Variants in ARFGEF3 observed in about 807,000 individuals in gnomAD.
The protein encoded by ARFGEF3 is brefeldin A-inhibited guanine nucleotide-exchange protein 3.
Under a neutral mutation model 221.7 loss-of-function variants are expected in ARFGEF3, and 96 were observed. The observed-to-expected ratio is 0.43, with a 90% CI of 0.37 to 0.51. ARFGEF3 has a LOEUF of 0.51. ARFGEF3 is among the 20% of genes least tolerant of loss of function. The probability of loss-of-function intolerance (pLI) is 0.00; values close to 1 mark genes in which losing one functional copy is unlikely to be tolerated. For synonymous variants in ARFGEF3, 1,145 were observed against 1,126.8 expected (o/e 1.02, Z -0.32); for missense variants, 2,410 against 2,789.9 (o/e 0.86, Z 3.07).
chr6:138,241,335 T>C (rs2114552574), intron 6 of ARFGEF3, among the ~76,000 whole-genome samples: 1 of 152,348 alleles, frequency 6.6e-6, no homozygotes, highest in South Asian at 2.1e-4. Flanking sequence ...AATTGATTCT[T>C]CCGTTACTCC....
chr6:138,329,413 C>T (rs1197505295), intron 32 of ARFGEF3, among the ~76,000 whole-genome samples: 4 of 152,010 alleles, frequency 2.6e-5, no homozygotes, highest in Non-Finnish European at 4.4e-5. Context: ...ACCTATAATC[C>T]GAGCACTTTA....
chr6:138,198,429 T>G (rs1385744046), intron 2 of ARFGEF3, among the ~76,000 whole-genome samples: 1 of 152,232 alleles, frequency 6.6e-6, no homozygotes, highest in Admixed American at 6.5e-5. Context: ...TTAACTGCAC[T>G]GTAGAGAAAA....
Position 138,334,692 on chromosome 6 carries a change from C to T in ARFGEF3, c.5846C>T (p.Thr1949Ile). 1 of 1,611,438 alleles carries T rather than the reference C, an allele frequency of 6.2e-7. No homozygotes were observed. Among genetic ancestry groups the T allele is most frequent in the Non-Finnish European group, 8.5e-7 (1 of 1,177,910 alleles). Residue 1949 changes from threonine (T) to isoleucine (I), a missense_variant, in exon 33 of 34, where the codon ACC becomes ATC. By Grantham distance (89) the Thr-to-Ile change is moderately conservative. This residue lies in a region of ARFGEF3 where 339 missense variants were observed against 334.9 expected (regional missense o/e 1.01). Coordinates refer to ENST00000251691, the MANE Select transcript of ARFGEF3 (RefSeq NM_020340.5). This position sits in a 1 kb window ranked among gnomAD's most constrained non-coding sequence, Gnocchi z 5.1. ...ILPSFQSESS[T>I]PSTGGFSGKE... Reference sequence around the variant, plus strand: ...CCCTCCTTCCAGTCCGAGTCATCCACCCCATCCACCGGGGGCTTCTCTGGG... The same window carrying T: ...CCCTCCTTCCAGTCCGAGTCATCCATCCCATCCACCGGGGGCTTCTCTGGG...
chr6:138,229,641 T>C (rs1778153476), intron 4 of ARFGEF3, 143 bp from the exon 5 acceptor site: 1 of 642,308 alleles, frequency 1.6e-6, no homozygotes, highest in South Asian at 1.8e-5. Context: ...GAGAAAGCAG[T>C]GGGTGGGATA....
intron 2 of ARFGEF3, among the ~76,000 whole-genome samples, chr6:138,172,542 CAT>C (rs559418334): frequency 5.9e-5 from 9 of 152,280 alleles, no homozygotes; most frequent in African/African-American, 1.9e-4. Flanking sequence ...GACCGGGAAA[CAT>C]ATCATTTTTC....
Position 138,263,610 on chromosome 6 carries a change from A to G in ARFGEF3, c.2127A>G (p.Ser709=), listed in dbSNP as rs1329967847. The part of the protein sequence containing the change: ...ALQNFASTFC[S]GMMHSPGFDG... ...AGAACTTTGCCTCTACTTTCTGCTCAGGTTTGTAAACAATTCTCTGCTGTA... is the reference window on the plus strand; with the variant it reads ...AGAACTTTGCCTCTACTTTCTGCTCGGGTTTGTAAACAATTCTCTGCTGTA... Residue 709 remains serine (S), a splice_region_variant and synonymous_variant, in exon 12 of 34, where the codon TCA becomes TCG. Coordinates refer to ENST00000251691, the MANE Select transcript of ARFGEF3 (RefSeq NM_020340.5). 3 of 1,592,344 alleles carry G rather than the reference A, an allele frequency of 1.9e-6. No individual in the cohort carries two copies. The highest frequency in any genetic ancestry group is 2.6e-6 in the Non-Finnish European group (3 of 1,169,998).
At chr6:138,319,486 G>A (rs558462206) in intron 27 of ARFGEF3, among the ~76,000 whole-genome samples, 1 of 151,948 alleles carries the variant, frequency 6.6e-6, no homozygotes, top group Non-Finnish European at 1.5e-5. Flanking sequence ...TGTTTTAGGA[G>A]TATATTCACA....
chr6:138,296,851 C>G lies in ARFGEF3; in HGVS notation c.3544C>G (p.Leu1182Val), dbSNP rs1779533432. Residue 1182 changes from leucine (L) to valine (V), a missense_variant, in exon 21 of 34, where the codon CTG becomes GTG. Physicochemically the swap from Leu to Val is conservative, Grantham distance 32 (BLOSUM62 1). Coordinates refer to ENST00000251691, the MANE Select transcript of ARFGEF3 (RefSeq NM_020340.5). Reference protein sequence around the residue: ...STQDRKSALHLFRLGNAMLRI... With the variant: ...STQDRKSALHVFRLGNAMLRI... Reference sequence around the variant, plus strand: ...TCAAGACCGAAAAAGCGCCCTCCACCTGTTCCGCCTGGGGAATGCCATGCT... The same window carrying G: ...TCAAGACCGAAAAAGCGCCCTCCACGTGTTCCGCCTGGGGAATGCCATGCT... 1 of 1,613,928 alleles carries G rather than the reference C, an allele frequency of 6.2e-7. No homozygotes were observed. Among genetic ancestry groups the G allele is most frequent in the East Asian group, 2.2e-5 (1 of 44,894 alleles).
intron 17 of ARFGEF3, among the ~76,000 whole-genome samples, chr6:138,287,578 G>A (rs116583327): frequency 1.3e-5 from 2 of 152,340 alleles, no homozygotes; most frequent in South Asian, 2.1e-4. Context: ...TTAAGCAGAC[G>A]AAGAAAATTC....
At chr6:138,218,461 A>T in intron 4 of ARFGEF3, 1 of 1,463,990 alleles carries the variant, frequency 6.8e-7, no homozygotes, top group Non-Finnish European at 9.0e-7. Flanking sequence ...ATTATTATAC[A>T]TCAATTAGCC....
At chr6:138,271,883 C>T (rs1192862169) in intron 12 of ARFGEF3, among the ~76,000 whole-genome samples, 3 of 152,166 alleles carry the variant, frequency 2.0e-5, no homozygotes, top group Non-Finnish European at 4.4e-5. Flanking sequence ...CTGTTCTTCA[C>T]ATGCTTCTCT....
intron 20 of ARFGEF3, among the ~76,000 whole-genome samples, chr6:138,295,208 G>A (rs957710701): frequency 1.3e-5 from 2 of 152,090 alleles, no homozygotes; most frequent in Non-Finnish European, 2.9e-5. Flanking sequence ...CAATCAGGTA[G>A]GAATATAAAA....
At chr6:138,297,406 A>T (rs537402290) in intron 21 of ARFGEF3, among the ~76,000 whole-genome samples, 1 of 152,324 alleles carries the variant, frequency 6.6e-6, no homozygotes, top group South Asian at 2.1e-4. Flanking sequence ...AACAAAATTA[A>T]TACTAAGACC....
chr6:138,283,061 A>AAG (rs1562378668), intron 14 of ARFGEF3, among the ~76,000 whole-genome samples: 1 of 152,166 alleles, frequency 6.6e-6, no homozygotes, highest in African/African-American at 2.4e-5. Context: ...TTTAAAAAAA[A>AAG]AAAAGAAAAG....
intron 5 of ARFGEF3, among the ~76,000 whole-genome samples, chr6:138,234,647 G>A (rs1298309393): frequency 6.6e-6 from 1 of 152,170 alleles, no homozygotes; most frequent in Non-Finnish European, 1.5e-5. Flanking sequence ...GACTTACAGT[G>A]AGAGCCAAGA....
At chr6:138,307,181 C>T (rs1779742694) in intron 22 of ARFGEF3, 72 bp from the exon 23 acceptor site, 3 of 1,503,490 alleles carry the variant, frequency 2.0e-6, no homozygotes, top group Non-Finnish European at 2.8e-6. Flanking sequence ...CAGAGAAATA[C>T]ATCACCCTTC....
At chr6:138,303,501 G>A (rs1244933427) in intron 22 of ARFGEF3, among the ~76,000 whole-genome samples, 1 of 151,982 alleles carries the variant, frequency 6.6e-6, no homozygotes, top group East Asian at 1.9e-4. Flanking sequence ...CATCTACTAG[G>A]ATAAAAAAGA....
At chr6:138,190,924 G>A (rs1482709416) in intron 2 of ARFGEF3, among the ~76,000 whole-genome samples, 1 of 152,086 alleles carries the variant, frequency 6.6e-6, no homozygotes, top group East Asian at 1.9e-4. Flanking sequence ...TATTTAAAGG[G>A]TGTAGGCTTT....
At chr6:138,179,295 G>A (rs777108858) in intron 2 of ARFGEF3, among the ~76,000 whole-genome samples, 1 of 152,172 alleles carries the variant, frequency 6.6e-6, no homozygotes, top group Non-Finnish European at 1.5e-5. Flanking sequence ...GCCATTGGCA[G>A]CAAACCTCTT....
Sources: allele counts gnomAD v4.1 joint callset (sites outside exome capture counted in the v4.1 genomes callset), GRCh38; gene constraint gnomAD v4.1.1; regional missense constraint gnomAD v4.1.1; non-coding constraint Gnocchi (gnomAD v3.1); transcripts MANE v1.5; gene names NCBI Gene and HGNC (gene_info 2026-07-23, HGNC 2026-07-21).